UTRN: variants seen among roughly 807,000 people sequenced by gnomAD.
UTRN encodes the protein dystrophin-related protein 1.
Under a neutral mutation model 463.9 loss-of-function variants are expected in UTRN, and 283 were observed. The ratio of observed to expected loss-of-function variants is 0.61; its 90% CI spans 0.55 to 0.67. The LOEUF (loss-of-function observed/expected upper bound fraction) is 0.67. Ranked by LOEUF, UTRN falls within the 30% of genes least tolerant of loss-of-function variation. The pLI is 0.00. For synonymous variants in UTRN, 1,442 were observed against 1,431.5 expected (o/e 1.01, Z -0.17); for missense variants, 3,922 against 4,084.3 (o/e 0.96, Z 1.08).
chr6:144,388,084 G>C (rs1265179877), intron 2 of UTRN, among the ~76,000 whole-genome samples: 1 of 152,170 alleles, frequency 6.6e-6, no homozygotes, highest in East Asian at 1.9e-4. Flanking sequence ...TACAAACTTA[G>C]AAAATATGGC....
intron 23 of UTRN, among the ~76,000 whole-genome samples, chr6:144,467,983 C>A (rs914516521): frequency 2.0e-5 from 3 of 151,724 alleles, no homozygotes; most frequent in Admixed American, 6.6e-5. Flanking sequence ...AAAATAGGAA[C>A]CTGGCTGCCT....
intron 50 of UTRN, among the ~76,000 whole-genome samples, chr6:144,568,640 G>A (rs182146961): frequency 2.6e-5 from 4 of 152,158 alleles, no homozygotes; most frequent in Admixed American, 6.5e-5. Flanking sequence ...ATCTATTCCC[G>A]CCAGTCATCT....
chr6:144,293,317 A>T (rs1804407350), intron 2 of UTRN, among the ~76,000 whole-genome samples: 1 of 152,150 alleles, frequency 6.6e-6, no homozygotes, highest in Non-Finnish European at 1.5e-5. Context: ...AAGACCTTTG[A>T]TATTTATAAC....
chr6:144,718,421 G>A (rs1368040680), intron 53 of UTRN, among the ~76,000 whole-genome samples: 6 of 152,200 alleles, frequency 3.9e-5, no homozygotes, highest in African/African-American at 1.4e-4. Flanking sequence ...AGTGAGCTTT[G>A]ATGGTGTACC....
intron 2 of UTRN, among the ~76,000 whole-genome samples, chr6:144,390,841 C>T (rs891569729): frequency 2.0e-5 from 3 of 152,058 alleles, no homozygotes; most frequent in African/African-American, 7.3e-5. Flanking sequence ...TGTCTTAGTC[C>T]CTTCCCCACT....
At chr6:144,700,384 G>C (rs1784463277) in intron 53 of UTRN, 141 bp downstream of exon 53, 6 of 986,966 alleles carry the variant, frequency 6.1e-6, no homozygotes, top group Non-Finnish European at 8.4e-6. Flanking sequence ...TTAGTTGCCA[G>C]TAGACATTTA....
At chr6:144,566,143 A>G (rs556318123) in intron 50 of UTRN, among the ~76,000 whole-genome samples, 1 of 152,332 alleles carries the variant, frequency 6.6e-6, no homozygotes, top group South Asian at 2.1e-4. Context: ...GTTTAGATGT[A>G]CGTGAACTAG....
chr6:144,467,709 A>G (rs1403007677), intron 23 of UTRN, among the ~76,000 whole-genome samples: 1 of 152,212 alleles, frequency 6.6e-6, no homozygotes, highest in Non-Finnish European at 1.5e-5. Flanking sequence ...TTCTAAGAGT[A>G]ATATTAGTAC....
intron 54 of UTRN, among the ~76,000 whole-genome samples, chr6:144,735,093 C>T (rs79967466): frequency 5.1e-4 from 78 of 152,258 alleles, no homozygotes; most frequent in African/African-American, 1.8e-3. Context: ...AGAAGTATAA[C>T]GCATGTTCCT....
chr6:144,524,261 A>G (rs1378421111), intron 41 of UTRN, among the ~76,000 whole-genome samples: 2 of 152,092 alleles, frequency 1.3e-5, no homozygotes, highest in Non-Finnish European at 2.9e-5. Context: ...ATACATCTTT[A>G]TCCATACTTA....
At chr6:144,842,842 A>G (rs888883055) in intron 73 of UTRN, among the ~76,000 whole-genome samples, 2 of 150,148 alleles carry the variant, frequency 1.3e-5, no homozygotes, top group South Asian at 2.1e-4. Flanking sequence ...ACATGCATGC[A>G]TGTGCACACC....
intron 53 of UTRN, among the ~76,000 whole-genome samples, chr6:144,701,760 A>C (rs1784612412): frequency 6.6e-6 from 1 of 152,190 alleles, no homozygotes; most frequent in Non-Finnish European, 1.5e-5. Flanking sequence ...TTATGTAATA[A>C]GTTGCTTTAA....
intron 54 of UTRN, among the ~76,000 whole-genome samples, chr6:144,734,227 CAAA>C (rs1789107480): frequency 6.6e-6 from 1 of 151,774 alleles, no homozygotes; most frequent in Non-Finnish European, 1.5e-5. Context: ...CAAAAATTTT[CAAA>C]AAAGGAAACA....
At chr6:144,410,305 T>G (rs889410502) in intron 3 of UTRN, among the ~76,000 whole-genome samples, 2 of 152,232 alleles carry the variant, frequency 1.3e-5, no homozygotes, top group African/African-American at 4.8e-5. Flanking sequence ...TTCAAACATT[T>G]CTACTGTATT....
rs571449691 is a variant in UTRN, at chr6:144,610,918, A to G, written c.7479+33630A>G. ...CCAAACCAAAACAAACAAGAAAACA[A>G]TAGGGCAATCTCCATAATGAATACA... is the stretch of plus-strand genomic sequence containing the variant. On this transcript the variant is annotated intron_variant, in intron 51 of 74. Transcript: ENST00000367545. 2.6e-5 allele frequency among the ~76,000 whole-genome samples: 4 copies of G among 152,260 alleles called. No individual in the cohort carries two copies. The East Asian group carries it at 7.7e-4, about 29-fold the overall frequency.
chr6:144,770,711 C>T (rs1024961483), intron 58 of UTRN, among the ~76,000 whole-genome samples: 2 of 152,032 alleles, frequency 1.3e-5, no homozygotes, highest in African/African-American at 4.8e-5. Flanking sequence ...TTGAAATTTA[C>T]AGAAAAAGAG....
chr6:144,545,924 G>T (rs564980964), intron 46 of UTRN, among the ~76,000 whole-genome samples: 1 of 152,288 alleles, frequency 6.6e-6, no homozygotes, highest in African/African-American at 2.4e-5. Flanking sequence ...GGAAGCTGAG[G>T]CAGGAGAATC....
rs1241124049 is a variant in UTRN at position 144,471,040 on chromosome 6, G to T, written c.3067-2680G>T. Among the ~76,000 whole-genome samples the T allele has an allele frequency of 1.1e-4, 14 of 122,532 alleles. 1 individual carries two copies. The highest frequency in any genetic ancestry group is 3.9e-4 in the African/African-American group (12 of 31,084). The allele number at this position is 122,532 out of a possible 152,430, so 80.4% of individuals were successfully genotyped here. A position where few individuals can be genotyped will look rare whatever the true frequency, so the allele number is the denominator to read the frequency against. On this transcript the variant is annotated intron_variant, in intron 23 of 74. Coordinates refer to ENST00000367545, the MANE Select transcript of UTRN (RefSeq NM_007124.3). Reference sequence around the variant, plus strand: ...GCAAAGGGGAGAGGGAGACGAGGGAGGGGGAGAGGGAGGGGGAGAGGGAGG... The same window carrying T: ...GCAAAGGGGAGAGGGAGACGAGGGATGGGGAGAGGGAGGGGGAGAGGGAGG...
At chr6:144,341,648 A>G (rs1777146633) in intron 2 of UTRN, among the ~76,000 whole-genome samples, 1 of 152,238 alleles carries the variant, frequency 6.6e-6, no homozygotes, top group Admixed American at 6.5e-5. Context: ...ATGACTATTT[A>G]CTGACAAAAG....
Sources: allele counts gnomAD v4.1 joint callset (sites outside exome capture counted in the v4.1 genomes callset), GRCh38; gene constraint gnomAD v4.1.1; transcripts MANE v1.5; gene names NCBI Gene and HGNC (gene_info 2026-07-23, HGNC 2026-07-21).